KAZN: variants seen among roughly 807,000 people sequenced by gnomAD.
KAZN encodes kazrin.
In KAZN, 40 loss-of-function variants were observed where a neutral mutation model predicts 87.4. The observed-to-expected ratio is 0.46, with a 90% CI of 0.36 to 0.60. The LOEUF is 0.60. Among genes scored for constraint, KAZN ranks in the 20% least tolerant of loss-of-function variants. The probability of loss-of-function intolerance (pLI) is 0.00; values close to 1 mark genes in which losing one functional copy is unlikely to be tolerated. For synonymous variants in KAZN, 466 were observed against 458.3 expected, an observed-to-expected ratio of 1.02 and a Z score of -0.22; for missense variants, 898 against 1,073.9, an observed-to-expected ratio of 0.84 and a Z score of 2.29.
intron 1 of KAZN, among the ~76,000 whole-genome samples, chr1:14,121,281 G>A (rs1284939883): frequency 6.6e-6 from 1 of 152,190 alleles, no homozygotes; most frequent in Non-Finnish European, 1.5e-5. Flanking sequence ...AACCTCTTCT[G>A]TTGGTCAGCT....
At chr1:14,679,532 G>A (rs1640443305) in intron 1 of KAZN, among the ~76,000 whole-genome samples, 1 of 152,142 alleles carries the variant, frequency 6.6e-6, no homozygotes. Context: ...TTCACAGGCA[G>A]GTTGTTTGCT....
At chr1:14,919,754 C>T (rs1658291687) in intron 1 of KAZN, among the ~76,000 whole-genome samples, 1 of 152,094 alleles carries the variant, frequency 6.6e-6, no homozygotes, top group Non-Finnish European at 1.5e-5. Context: ...ATGATGGTCC[C>T]GTAAGATTAT....
chr1:14,765,975 T>C (rs925519656), intron 1 of KAZN, among the ~76,000 whole-genome samples: 1 of 152,152 alleles, frequency 6.6e-6, no homozygotes, highest in Non-Finnish European at 1.5e-5. Flanking sequence ...AGGGTGTGTC[T>C]GTGTTGTCTC....
At chr1:13,950,095 T>C (rs1344954783) in intron 1 of KAZN, among the ~76,000 whole-genome samples, 1 of 152,230 alleles carries the variant, frequency 6.6e-6, no homozygotes, top group Non-Finnish European at 1.5e-5. Context: ...GCCTGCTCCC[T>C]GAGCCTTGCT....
At chr1:15,092,714 TTCTGCCCACCTTGTCC>T (rs762125960) in intron 8 of KAZN, among the ~76,000 whole-genome samples, 3 of 152,054 alleles carry the variant, frequency 2.0e-5, no homozygotes, top group Non-Finnish European at 4.4e-5. Context: ...AGCTCAAGCA[TTCTGCCCACCTTGTCC>T]TCCCAAAGTG....
chr1:14,320,632 A>G (rs942546464), intron 2 of KAZN, among the ~76,000 whole-genome samples: 1 of 152,180 alleles, frequency 6.6e-6, no homozygotes, highest in Non-Finnish European at 1.5e-5. Context: ...TTCACAATAA[A>G]CAGCAAAAGC....
chr1:14,668,310 C>T (rs766293991), intron 1 of KAZN, among the ~76,000 whole-genome samples: 2 of 152,174 alleles, frequency 1.3e-5, no homozygotes, highest in Non-Finnish European at 2.9e-5. Context: ...TTGAACTGAA[C>T]GTCCCTGGGT....
intron 1 of KAZN, among the ~76,000 whole-genome samples, chr1:14,160,478 G>T (rs1490514403): frequency 6.6e-6 from 1 of 152,198 alleles, no homozygotes; most frequent in African/African-American, 2.4e-5. Context: ...GCTTGGGAGA[G>T]GAGTGATGTC....
chr1:14,208,865 AT>A (rs1646796563), intron 2 of KAZN, among the ~76,000 whole-genome samples: 2 of 152,092 alleles, frequency 1.3e-5, no homozygotes, highest in African/African-American at 4.8e-5. Flanking sequence ...TTCTTCAATC[AT>A]TTGCTACCCA....
At chr1:14,834,535 G>A (rs1379440586) in intron 1 of KAZN, among the ~76,000 whole-genome samples, 1 of 151,482 alleles carries the variant, frequency 6.6e-6, no homozygotes, top group Non-Finnish European at 1.5e-5. Flanking sequence ...CTGATTTTCT[G>A]TATATTTAGT....
chr1:14,956,503 G>A (rs925507820), intron 1 of KAZN, among the ~76,000 whole-genome samples: 1 of 151,898 alleles, frequency 6.6e-6, no homozygotes, highest in Non-Finnish European at 1.5e-5. Flanking sequence ...CTACTCAGGA[G>A]GCTGAGGCAG....
chr1:13,984,160 G>A (rs1171205101), intron 1 of KAZN, among the ~76,000 whole-genome samples: 1 of 151,994 alleles, frequency 6.6e-6, no homozygotes, highest in Non-Finnish European at 1.5e-5. Context: ...ACAGGCGCCC[G>A]CCACCATGCC....
rs538136528 is a variant in KAZN, at chr1:14,202,788, A to AG, written c.249+22198dup. Among the ~76,000 whole-genome samples the AG allele has an allele frequency of 1.3e-3, 195 of 152,316 alleles. 1 individual carries two copies. The highest frequency in any genetic ancestry group is 4.5e-3 in the African/African-American group (189 of 41,560). ...AAATCATGATCAGGGAGGCTGAGGC[A>AG]GGCAGATCACCTGAGATCAGGAGAT... On this transcript the variant is annotated intron_variant, in intron 2 of 16. Transcript: ENST00000636203.
At chr1:14,655,617 G>A (rs954767256) in intron 1 of KAZN, among the ~76,000 whole-genome samples, 8 of 152,300 alleles carry the variant, frequency 5.3e-5, no homozygotes, top group Middle Eastern at 6.8e-3. Context: ...TAGCTGCTGC[G>A]ACAGATATAG....
chr1:15,090,829 C>G (rs1008173169), intron 8 of KAZN, among the ~76,000 whole-genome samples: 1 of 152,124 alleles, frequency 6.6e-6, no homozygotes, highest in Admixed American at 6.5e-5. Context: ...GAGAATGGTA[C>G]CGGGTTAGCT....
chr1:14,853,963 G>A (rs1356344343), intron 1 of KAZN, among the ~76,000 whole-genome samples: 1 of 152,220 alleles, frequency 6.6e-6, no homozygotes, highest in Non-Finnish European at 1.5e-5. Context: ...TCTGGGTCAG[G>A]TTGGCCTGGA....
rs1158678105 is a variant in KAZN, at chr1:14,996,986, AT to A, written c.418+36112del. On this transcript the variant is annotated intron_variant, in intron 2 of 14. Coordinates refer to ENST00000376030, the MANE Select transcript of KAZN (RefSeq NM_201628.3). The surrounding 1 kb of genome is among the most constrained non-coding windows in gnomAD (Gnocchi z 5.9). The stretch of plus-strand genomic sequence containing the variant: ...CCCCCAGGCACCCTGTGCTTTGCTG[AT>A]CCCTGGGCCTGGAGTGCTTTTTTTC... Among the ~76,000 whole-genome samples, 1 of 151,992 alleles carries A rather than the reference AT, an allele frequency of 6.6e-6. No homozygotes were observed. The highest frequency in any genetic ancestry group is 1.5e-5 in the Non-Finnish European group (1 of 67,998).
At chr1:14,244,522 C>T (rs1166685244) in intron 2 of KAZN, among the ~76,000 whole-genome samples, 1 of 152,108 alleles carries the variant, frequency 6.6e-6, no homozygotes, top group Non-Finnish European at 1.5e-5. Flanking sequence ...ACCCTCTGGC[C>T]TCAAGGAGCT....
At chr1:14,363,404 A>C (rs975486967) in intron 2 of KAZN, among the ~76,000 whole-genome samples, 1 of 152,028 alleles carries the variant, frequency 6.6e-6, no homozygotes, top group Non-Finnish European at 1.5e-5. Context: ...GCCGTGACTC[A>C]TTTTCCCTCT....
Sources: gnomAD v4.1 joint callset for allele counts (sites outside exome capture counted in the v4.1 genomes callset) on GRCh38, gnomAD v4.1.1 for gene constraint, Gnocchi (gnomAD v3.1) non-coding constraint, MANE v1.5 for transcripts, NCBI Gene and HGNC (gene_info 2026-07-23, HGNC 2026-07-21) for gene names.